HIP1: variants seen among roughly 807,000 people sequenced by gnomAD.
HIP1 encodes huntingtin interacting protein 1.
HIP1 carries 65 observed loss-of-function variants against 147.6 expected under a neutral mutation model. The observed-to-expected ratio is 0.44, with a 90% CI of 0.36 to 0.54. The LOEUF is 0.54. Among genes scored for constraint, HIP1 ranks in the 20% least tolerant of loss-of-function variants. HIP1 has a pLI of 0.00. For missense variants in HIP1, 1,061 were observed against 1,299.6 expected, an observed-to-expected ratio of 0.82 and a Z score of 2.82; for synonymous variants, 479 against 504.0, an observed-to-expected ratio of 0.95 and a Z score of 0.67.
intron 1 of HIP1, among the ~76,000 whole-genome samples, chr7:75,621,297 C>T (rs933458532): frequency 7.5e-5 from 11 of 146,722 alleles, no homozygotes; most frequent in East Asian, 3.9e-4. Context: ...CTGGCAGGCG[C>T]GAGGAAGTAT....
At chr7:75,634,748 GACCCCCGTCTCT>G (rs1205571134) in intron 1 of HIP1, among the ~76,000 whole-genome samples, 1 of 151,666 alleles carries the variant, frequency 6.6e-6, no homozygotes, top group Non-Finnish European at 1.5e-5. Context: ...CAACATAGAA[GACCCCCGTCTCT>G]ACAAAAGTAA....
At chr7:75,571,406 C>T (rs1795629055) in intron 8 of HIP1, among the ~76,000 whole-genome samples, 1 of 152,174 alleles carries the variant, frequency 6.6e-6, no homozygotes, top group Non-Finnish European at 1.5e-5. Flanking sequence ...GGCAGGCCTA[C>T]TTGCCGCAAA....
At chr7:75,581,965 C>G in intron 6 of HIP1, 110 bp downstream of exon 6, 1 of 846,580 alleles carries the variant, frequency 1.2e-6, no homozygotes, top group Admixed American at 2.3e-5. Context: ...GGCTTTGGTC[C>G]CCATCCCAGC....
At chr7:75,606,952 G>T (rs1554503919) in intron 1 of HIP1, among the ~76,000 whole-genome samples, 1 of 152,074 alleles carries the variant, frequency 6.6e-6, no homozygotes, top group Non-Finnish European at 1.5e-5. Context: ...AAGTAAACCT[G>T]GGTGGGGTGG....
chr7:75,557,174 G>T (rs1051671919), intron 16 of HIP1, among the ~76,000 whole-genome samples: 15 of 151,922 alleles, frequency 9.9e-5, no homozygotes, highest in African/African-American at 3.4e-4. Flanking sequence ...AAGCAGCTGG[G>T]ACTACGGGCA....
At chr7:75,639,023 T>C (rs2117153940) in intron 1 of HIP1, 9 of 892,416 alleles carry the variant, frequency 1.0e-5, no homozygotes, top group Non-Finnish European at 1.2e-5. Context: ...GGGAGGGGGC[T>C]CGGGGCAAAG....
At chr7:75,592,812 T>C (rs782440839) in intron 2 of HIP1, among the ~76,000 whole-genome samples, 3 of 152,166 alleles carry the variant, frequency 2.0e-5, no homozygotes, top group Non-Finnish European at 4.4e-5. Context: ...TTTAATAAAA[T>C]CCACTTGAGT....
At chr7:75,643,159 C>G (rs536624261) in intron 1 of HIP1, among the ~76,000 whole-genome samples, 1 of 152,256 alleles carries the variant, frequency 6.6e-6, no homozygotes, top group South Asian at 2.1e-4. Flanking sequence ...TTTATAGCCT[C>G]CTTTAGAGGC....
chr7:75,706,488 T>A lies in HIP1; in HGVS notation c.120+32313A>T, dbSNP rs1010832035. On this transcript the variant is annotated intron_variant, in intron 1 of 30. Transcript: ENST00000336926. Reference sequence around the variant, plus strand: ...TATATATCTTCTTTTTTTTTATTTTTTTTTTATTTTTTTATTTTTTATTTA... The same window carrying A: ...TATATATCTTCTTTTTTTTTATTTTATTTTTATTTTTTTATTTTTTATTTA... 7.1e-4 allele frequency among the ~76,000 whole-genome samples: 105 copies of A among 148,274 alleles called. 3 individuals are homozygous for A. The highest frequency in any genetic ancestry group is 3.9e-4 in the East Asian group (2 of 5,180).
intron 1 of HIP1, among the ~76,000 whole-genome samples, chr7:75,633,411 G>A (rs1798307736): frequency 6.6e-6 from 1 of 152,060 alleles, no homozygotes; most frequent in Non-Finnish European, 1.5e-5. Context: ...TCCTGCCTCA[G>A]CCTCCCGAGC....
rs146060599 is a variant in HIP1, at chr7:75,544,724, T to A, written c.2737A>T (p.Ser913Cys). Reference sequence around the variant, plus strand: ...GATGCAGCCACAAGCTGGGCTGTGCTAGCAGCAATTTCATGAGAACACACC... The same window carrying A: ...GATGCAGCCACAAGCTGGGCTGTGCAAGCAGCAATTTCATGAGAACACACC... ...LMVCSHEIAA[S>C]TAQLVAASKV... is the part of the protein sequence containing the mutation. Residue 913 changes from serine (S) to cysteine (C), a missense_variant, in exon 27 of 31, where the codon AGC (serine) becomes TGC (cysteine). Transcript: ENST00000336926. The A allele has an allele frequency of 1.2e-6, 2 of 1,613,340 alleles. No individual in the cohort carries two copies. The highest frequency in any genetic ancestry group is 2.7e-5 in the African/African-American group (2 of 74,926).
intron 1 of HIP1, among the ~76,000 whole-genome samples, chr7:75,661,621 G>A (rs1371309447): frequency 8.6e-5 from 13 of 151,408 alleles, no homozygotes; most frequent in Non-Finnish European, 1.5e-4. Context: ...GAAGATAAGG[G>A]CAGTGAGGGG....
chr7:75,601,508 A>T (rs1796971779), intron 1 of HIP1, among the ~76,000 whole-genome samples: 1 of 151,958 alleles, frequency 6.6e-6, no homozygotes, highest in Admixed American at 6.6e-5. Flanking sequence ...AGGCAGGAGA[A>T]TTGCTTGAAC....
At chr7:75,577,958 C>A (rs781996288) in intron 7 of HIP1, among the ~76,000 whole-genome samples, 1 of 152,124 alleles carries the variant, frequency 6.6e-6, no homozygotes, top group Non-Finnish European at 1.5e-5. Context: ...TGAGATGGTG[C>A]CACTGCACTC....
At chr7:75,698,048 C>G (rs1800695796) in intron 1 of HIP1, among the ~76,000 whole-genome samples, 1 of 152,088 alleles carries the variant, frequency 6.6e-6, no homozygotes. Context: ...AAGCTGATCT[C>G]AAACTCCTGG....
At chr7:75,551,569 T>C (rs1554492155) in intron 22 of HIP1, among the ~76,000 whole-genome samples, 3 of 152,002 alleles carry the variant, frequency 2.0e-5, no homozygotes, top group African/African-American at 7.2e-5. Flanking sequence ...TCACCCAGGC[T>C]GGAGTACAGT....
intron 1 of HIP1, among the ~76,000 whole-genome samples, chr7:75,700,379 G>T (rs1800787663): frequency 6.6e-6 from 1 of 152,132 alleles, no homozygotes; most frequent in East Asian, 1.9e-4. Flanking sequence ...CTTTTCTGTG[G>T]CATGAAGGGC....
At chr7:75,538,551 T>A (rs1161591668) in intron 30 of HIP1, among the ~76,000 whole-genome samples, 1 of 144,338 alleles carries the variant, frequency 6.9e-6, no homozygotes, top group African/African-American at 2.6e-5. Flanking sequence ...CCACTCCATT[T>A]CTCAGCACCT....
chr7:75,667,683 G>T (rs916307570), intron 1 of HIP1, among the ~76,000 whole-genome samples: 1 of 152,106 alleles, frequency 6.6e-6, no homozygotes, highest in Non-Finnish European at 1.5e-5. Flanking sequence ...TAGAGACAAG[G>T]TCTCACTATG....
Sources: gnomAD v4.1 joint callset for allele counts (sites outside exome capture counted in the v4.1 genomes callset) on GRCh38, gnomAD v4.1.1 for gene constraint, MANE v1.5 for transcripts, NCBI Gene and HGNC (gene_info 2026-07-23, HGNC 2026-07-21) for gene names.